The following NSD1 variants were observed in gnomAD, a reference collection of about 807,000 sequenced individuals.
NSD1 encodes histone-lysine N-methyltransferase, H3 lysine-36 specific.
In NSD1, 26 loss-of-function variants were observed where a neutral mutation model predicts 242.7. The observed-to-expected ratio is 0.11, with a 90% CI of 0.08 to 0.15. NSD1 has a LOEUF of 0.15. NSD1 is among the 10% of genes least tolerant of loss of function. The pLI, the probability that NSD1 is intolerant of heterozygous loss-of-function variation, is 1.00. For synonymous variants in NSD1, 1,106 were observed against 1,178.1 expected (o/e 0.94, Z 1.25); for missense variants, 2,495 against 3,272.8 (o/e 0.76, Z 5.80).
intron 17 of NSD1, among the ~76,000 whole-genome samples, chr5:177,278,112 A>G (rs1263029264): frequency 2.6e-5 from 4 of 152,154 alleles, no homozygotes; most frequent in Non-Finnish European, 5.9e-5. Flanking sequence ...TCCAAACCTT[A>G]CCAGTGTTTT....
chr5:177,194,961 C>G (rs1391020173), intron 3 of NSD1, among the ~76,000 whole-genome samples: 1 of 151,878 alleles, frequency 6.6e-6, no homozygotes, highest in African/African-American at 2.4e-5. Flanking sequence ...GAGTTCGAGA[C>G]CAGTCTGGCT....
chr5:177,248,755 A>G (rs1766493306), intron 11 of NSD1, among the ~76,000 whole-genome samples: 1 of 152,204 alleles, frequency 6.6e-6, no homozygotes, highest in African/African-American at 2.4e-5. Flanking sequence ...TTTATTTAAT[A>G]AATATTTGTA....
rs1317098778 is a variant in NSD1 at position 177,296,583 on chromosome 5, G to A, written c.*1124G>A. The A allele has an allele frequency of 8.6e-6, 2 of 233,104 alleles. No individual in the cohort carries two copies. Among genetic ancestry groups the A allele is most frequent in the Non-Finnish European group, 1.7e-5 (2 of 118,046 alleles). 14.4% of individuals were successfully genotyped at this position (233,104 alleles called of 1,614,324 possible). A position where few individuals can be genotyped will look rare whatever the true frequency, so the allele number is the denominator to read the frequency against. The stretch of plus-strand genomic sequence containing the variant: ...AGGGAGTCCTCTTCTTCGCCTCCCT[G>A]AGAATTGCTGTGCTCTGTATTGAGA... On this transcript the variant is annotated 3_prime_UTR_variant, in exon 23 of 23. Coordinates refer to ENST00000439151, the MANE Select transcript of NSD1 (RefSeq NM_022455.5).
At chr5:177,247,184 C>T (rs974497071) in intron 10 of NSD1, among the ~76,000 whole-genome samples, 1 of 152,220 alleles carries the variant, frequency 6.6e-6, no homozygotes, top group Non-Finnish European at 1.5e-5. Flanking sequence ...AATCCCAACA[C>T]TTTGGGAGGC....
chr5:177,257,910 C>T (rs1485325127), intron 13 of NSD1, among the ~76,000 whole-genome samples: 24 of 148,624 alleles, frequency 1.6e-4, no homozygotes, highest in African/African-American at 2.5e-5. Flanking sequence ...GTGAGCCACT[C>T]ACCTCAGCCT....
At chr5:177,285,255 C>G (rs1759212595) in intron 20 of NSD1, among the ~76,000 whole-genome samples, 1 of 152,070 alleles carries the variant, frequency 6.6e-6, no homozygotes. Flanking sequence ...CTCCAAATTG[C>G]ATGCTTTTTT....
In NSD1 at chr5:177,235,679, G is replaced by A. The variant is rs1035685933; in HGVS notation, c.3797-142G>A. 6 of 1,044,068 alleles carry A rather than the reference G, an allele frequency of 5.7e-6. No homozygotes were observed. The African/African-American group carries it at 9.7e-5, about 17-fold the overall frequency. 64.7% of individuals were successfully genotyped at this position (1,044,068 alleles called of 1,614,324 possible). On this transcript the variant is annotated intron_variant, in intron 5 of 22. Transcript: ENST00000439151. ...TATGAGAAAACATAAGCCATTTTGT[G>A]CCTCTTGCATCTTAAGCCATAGTCT...
chr5:177,228,569 CT>C (rs1297915560), intron 5 of NSD1, among the ~76,000 whole-genome samples: 1 of 150,556 alleles, frequency 6.6e-6, no homozygotes, highest in Non-Finnish European at 1.5e-5. Flanking sequence ...GGGTTTTTGC[CT>C]TTTTTTTTGT....
chr5:177,207,368 C>T (rs918399991), intron 4 of NSD1, among the ~76,000 whole-genome samples: 7 of 151,464 alleles, frequency 4.6e-5, no homozygotes, highest in Admixed American at 2.0e-4. Flanking sequence ...CTACAACCTC[C>T]GCCTCCCGGG....
chr5:177,134,235 C>T lies in NSD1; in HGVS notation c.-18+283C>T, dbSNP rs1320387404. ...CCGCCTGCGAACACCTCGGCCTCCG[C>T]CTCCCCTCAGGTAGCAGGCTGCGGG... On this transcript the variant is annotated intron_variant, in intron 1 of 22. Transcript: ENST00000439151. The surrounding 1 kb of genome is among the most constrained non-coding windows in gnomAD (Gnocchi z 4.2). The T allele has an allele frequency of 2.6e-5, 4 of 151,896 alleles. No individual in the cohort carries two copies. Among genetic ancestry groups the T allele is most frequent in the Non-Finnish European group, 4.4e-5 (3 of 67,964 alleles). The allele number at this position is 151,896 out of a possible 1,614,324, so 9.4% of individuals were successfully genotyped here.
Position 177,294,149 on chromosome 5 carries a change from A to G in NSD1, c.6781A>G (p.Met2261Val). The G allele has an allele frequency of 3.7e-6, 6 of 1,614,152 alleles. No homozygotes were observed. The highest frequency in any genetic ancestry group is 5.1e-6 in the Non-Finnish European group (6 of 1,180,022). ...TAAACCTCCTGCTGACACCAACCAG[A>G]TGCTGTCGCTCTCCAAAAAAGCTCT... is the stretch of plus-strand genomic sequence containing the variant. ...SDKPPADTNQ[M>V]LSLSKKALAG... The change falls in exon 23 of 23, where the codon ATG becomes GTG. Residue 2261 changes from methionine (M) to valine (V), a missense_variant. Met to Val is a conservative substitution (Grantham distance 21, BLOSUM62 1). Transcript: ENST00000439151.
intron 2 of NSD1, among the ~76,000 whole-genome samples, chr5:177,179,156 G>A (rs1457621374): frequency 6.6e-6 from 1 of 152,170 alleles, no homozygotes; most frequent in African/African-American, 2.4e-5. Context: ...TAGGGTAGGA[G>A]TCAGATTAGG....
chr5:177,263,218 T>A (rs1355768155), intron 14 of NSD1, among the ~76,000 whole-genome samples: 1 of 152,270 alleles, frequency 6.6e-6, no homozygotes, highest in Non-Finnish European at 1.5e-5. Flanking sequence ...TTGAGACTTG[T>A]CTGACATATT....
intron 5 of NSD1, among the ~76,000 whole-genome samples, chr5:177,214,603 T>C (rs1763620749): frequency 6.6e-6 from 1 of 152,146 alleles, no homozygotes; most frequent in South Asian, 2.1e-4. Context: ...GATTGGGTTA[T>C]TTCACATTTC....
upstream of NSD1, among the ~76,000 whole-genome samples, chr5:177,133,377 GC>G: frequency 6.6e-6 from 1 of 152,218 alleles, no homozygotes; most frequent in South Asian, 2.1e-4. This position sits in a 1 kb window ranked among gnomAD's most constrained non-coding sequence, Gnocchi z 6.2. Flanking sequence ...GCCGTGTGCG[GC>G]CCGAGGCCAG....
Position 177,211,678 on chromosome 5 carries a change from A to G in NSD1, c.3279A>G (p.Ile1093Met). ...CTAGTAAAGAGGATCCCCTTCAGAT[A>G]ATGGGCCACTTAACAAGTGAAGATG... ...EDPSKEDPLQ[I>M]MGHLTSEDGD... Residue 1093 changes from isoleucine to methionine, a missense_variant, in exon 5 of 23, where the codon ATA becomes ATG. By Grantham distance (10) the Ile-to-Met change is conservative (BLOSUM62 1). Coordinates refer to ENST00000439151, the MANE Select transcript of NSD1 (RefSeq NM_022455.5). 2 of 1,614,116 alleles carry G rather than the reference A, an allele frequency of 1.2e-6. No individual in the cohort carries two copies. The highest frequency in any genetic ancestry group is 1.7e-5 in the Admixed American group (1 of 60,002).
rs2127294068 is a variant in NSD1, at chr5:177,300,213, A to T, written c.*4754A>T. 1 of 216,832 alleles carries T rather than the reference A, an allele frequency of 4.6e-6. No homozygotes were observed. 13.4% of individuals were successfully genotyped at this position (216,832 alleles called of 1,614,324 possible). A position where few individuals can be genotyped will look rare whatever the true frequency, so the allele number is the denominator to read the frequency against. On this transcript the variant is annotated 3_prime_UTR_variant, in exon 23 of 23. Coordinates refer to ENST00000439151, the MANE Select transcript of NSD1 (RefSeq NM_022455.5). ...TAAAGTAAAGTTTAACTTTACTCAT[A>T]TATGGCCCTTGCCCTGTGTTTTGTT...
At chr5:177,157,686 G>C (rs145492992) in intron 2 of NSD1, among the ~76,000 whole-genome samples, 11 of 152,236 alleles carry the variant, frequency 7.2e-5, no homozygotes, top group Non-Finnish European at 1.3e-4. Flanking sequence ...GTGTAGAGTT[G>C]AACAACTGTT....
At chr5:177,275,863 C>T (rs1180004448) in intron 17 of NSD1, among the ~76,000 whole-genome samples, 1 of 152,114 alleles carries the variant, frequency 6.6e-6, no homozygotes, top group Non-Finnish European at 1.5e-5. Flanking sequence ...AATTCCATAC[C>T]GTGTCTTAGA....
Sources: gnomAD v4.1 joint callset for allele counts (sites outside exome capture counted in the v4.1 genomes callset) on GRCh38, gnomAD v4.1.1 for gene constraint, Gnocchi (gnomAD v3.1) non-coding constraint, MANE v1.5 for transcripts, NCBI Gene and HGNC (gene_info 2026-07-23, HGNC 2026-07-21) for gene names.